Variants in GALNT13 observed in about 807,000 individuals in gnomAD.
The protein encoded by GALNT13 is polypeptide N-acetylgalactosaminyltransferase 13, also known as UDP-GalNAc:polypeptide N-acetylgalactosaminyltransferase 13.
GALNT13 carries 28 observed loss-of-function variants against 64.2 expected under a neutral mutation model. The observed-to-expected ratio is 0.44, with a 90% CI of 0.32 to 0.60. GALNT13 has a LOEUF of 0.60. GALNT13 is among the 20% of genes least tolerant of loss of function. The pLI is 0.05. For synonymous variants in GALNT13, 214 were observed against 224.6 expected (o/e 0.95, Z 0.42); for missense variants, 577 against 669.8 (o/e 0.86, Z 1.53).
At chr2:153,942,455 A>C (rs893335628) in intron 2 of GALNT13, among the ~76,000 whole-genome samples, 1 of 152,162 alleles carries the variant, frequency 6.6e-6, no homozygotes, top group Non-Finnish European at 1.5e-5. Context: ...AACATTTGAT[A>C]GCTTGAATTG....
intron 3 of GALNT13, among the ~76,000 whole-genome samples, chr2:154,073,558 A>G (rs1219756157): frequency 6.6e-6 from 1 of 151,942 alleles, no homozygotes; most frequent in African/African-American, 2.4e-5. Flanking sequence ...GAAATGTGTA[A>G]AAATTTGCTA....
the GALNT13 span, among the ~76,000 whole-genome samples, chr2:153,250,512 C>A: frequency 1.3e-5 from 2 of 152,142 alleles, no homozygotes; most frequent in East Asian, 3.9e-4. Context: ...ACCATTTGAT[C>A]CATCAGTTCT....
intron 11 of GALNT13, among the ~76,000 whole-genome samples, chr2:154,431,702 C>T (rs1371306322): frequency 6.6e-6 from 1 of 152,164 alleles, no homozygotes; most frequent in Non-Finnish European, 1.5e-5. Context: ...CTCCCATAAT[C>T]CCCACGTGTC....
At chr2:153,936,370 T>A (rs1252666497) in intron 2 of GALNT13, among the ~76,000 whole-genome samples, 1 of 152,324 alleles carries the variant, frequency 6.6e-6, no homozygotes, top group East Asian at 1.9e-4. Context: ...ATCTAATACC[T>A]TGACTATCAT....
the GALNT13 span, among the ~76,000 whole-genome samples, chr2:153,381,120 AT>A: frequency 6.6e-6 from 1 of 151,620 alleles, no homozygotes; most frequent in East Asian, 1.9e-4. Context: ...TAATATTTGT[AT>A]TTTTTTGTAG....
the GALNT13 span, among the ~76,000 whole-genome samples, chr2:153,677,284 T>TACACACACACACACAC: frequency 1.2e-3 from 171 of 144,748 alleles, 1 homozygote; most frequent in African/African-American, 4.1e-3. Context: ...ACAATAGACA[T>TACACACACACACACAC]ACACACACAC....
At chr2:153,726,674 G>T in the GALNT13 span, among the ~76,000 whole-genome samples, 10 of 152,022 alleles carry the variant, frequency 6.6e-5, no homozygotes, top group African/African-American at 2.4e-4. Context: ...GGGTGCGGTG[G>T]CTCATGCCTG....
intron 3 of GALNT13, among the ~76,000 whole-genome samples, chr2:153,975,355 T>C (rs1008827605): frequency 9.9e-5 from 15 of 152,206 alleles, no homozygotes; most frequent in African/African-American, 2.9e-4. Context: ...GATTCTAATA[T>C]GCATCCTGAC....
At chr2:154,297,978 GA>G (rs1693027715) in intron 8 of GALNT13, among the ~76,000 whole-genome samples, 1 of 152,086 alleles carries the variant, frequency 6.6e-6, no homozygotes, top group African/African-American at 2.4e-5. Context: ...GGACATACAA[GA>G]GGAGGTATCA....
the GALNT13 span, among the ~76,000 whole-genome samples, chr2:153,219,459 T>C: frequency 6.6e-6 from 1 of 152,222 alleles, no homozygotes; most frequent in Non-Finnish European, 1.5e-5. Context: ...AACTCATGAC[T>C]TAATCCATTA....
intron 11 of GALNT13, among the ~76,000 whole-genome samples, chr2:154,418,073 G>A (rs1029143333): frequency 2.0e-5 from 3 of 152,012 alleles, no homozygotes; most frequent in African/African-American, 2.4e-5. Context: ...GCAAGAATTT[G>A]TTGTTTTTCT....
chr2:153,315,588 A>G, the GALNT13 span, among the ~76,000 whole-genome samples: 3 of 152,250 alleles, frequency 2.0e-5, no homozygotes, highest in Non-Finnish European at 2.9e-5. Flanking sequence ...ATTTATAAAT[A>G]TAAAGATTTT....
At chr2:154,014,654 AC>A (rs1696883550) in intron 3 of GALNT13, among the ~76,000 whole-genome samples, 1 of 14,574 alleles carries the variant, frequency 6.9e-5, no homozygotes, top group Non-Finnish European at 2.0e-4. Context: ...TTTTTTTGAG[AC>A]GGAGTCTTGT....
intron 9 of GALNT13, among the ~76,000 whole-genome samples, chr2:154,359,202 G>A (rs1391393913): frequency 6.6e-6 from 1 of 152,066 alleles, no homozygotes; most frequent in Non-Finnish European, 1.5e-5. Context: ...GTCTAAATGA[G>A]GTTGAAACTA....
the GALNT13 span, among the ~76,000 whole-genome samples, chr2:153,221,166 G>C: frequency 6.6e-6 from 1 of 152,090 alleles, no homozygotes; most frequent in Non-Finnish European, 1.5e-5. Context: ...AAAAGACATT[G>C]TCAGTATGGC....
the GALNT13 span, among the ~76,000 whole-genome samples, chr2:153,457,482 C>T: frequency 6.6e-6 from 1 of 152,128 alleles, no homozygotes; most frequent in African/African-American, 2.4e-5. Flanking sequence ...TGGGACTTTG[C>T]TTCCATCTCC....
At chr2:153,981,027 ACTGT>A (rs1266466536) in intron 3 of GALNT13, among the ~76,000 whole-genome samples, 1 of 152,136 alleles carries the variant, frequency 6.6e-6, no homozygotes, top group Non-Finnish European at 1.5e-5. Flanking sequence ...ACGAATGGAA[ACTGT>A]CTGCTACATT....
intron 9 of GALNT13, among the ~76,000 whole-genome samples, chr2:154,307,267 A>T (rs367777808): frequency 3.1e-4 from 47 of 152,316 alleles, no homozygotes; most frequent in Non-Finnish European, 5.4e-4. Flanking sequence ...CTAATACAAA[A>T]GTCTAACAGG....
At chr2:153,246,146 A>G in the GALNT13 span, among the ~76,000 whole-genome samples, 1 of 152,176 alleles carries the variant, frequency 6.6e-6, no homozygotes, top group Non-Finnish European at 1.5e-5. Context: ...ATATGGGACT[A>G]TGTGAAAAGA....
Sources: allele counts gnomAD v4.1 joint callset (sites outside exome capture counted in the v4.1 genomes callset), GRCh38; gene constraint gnomAD v4.1.1; transcripts MANE v1.5; gene names NCBI Gene and HGNC (gene_info 2026-07-23, HGNC 2026-07-21).